WDR70: variants seen among roughly 807,000 people sequenced by gnomAD.
WDR70 encodes the protein WD repeat domain 70.
WDR70 carries 53 observed loss-of-function variants against 88.6 expected under a neutral mutation model. The ratio of observed to expected loss-of-function variants is 0.60; its 90% confidence interval spans 0.48 to 0.75. The LOEUF (loss-of-function observed/expected upper bound fraction) is 0.75. Ranked by LOEUF, WDR70 falls within the 30% of genes least tolerant of loss-of-function variation. The pLI is 0.00. For missense variants in WDR70, 610 were observed against 823.2 expected (o/e 0.74, Z 3.17); for synonymous variants, 280 against 270.0 (o/e 1.04, Z -0.36).
intron 9 of WDR70, among the ~76,000 whole-genome samples, chr5:37,568,483 A>G (rs566124736): frequency 1.3e-5 from 2 of 152,330 alleles, no homozygotes; most frequent in South Asian, 2.1e-4. Context: ...AGAATGCACT[A>G]TATTACAATC....
At chr5:37,387,254 C>A (rs923713792) in intron 3 of WDR70, among the ~76,000 whole-genome samples, 1 of 151,936 alleles carries the variant, frequency 6.6e-6, no homozygotes, top group Non-Finnish European at 1.5e-5. Context: ...GTGTGTGTAT[C>A]ATCTACCTTG....
intron 9 of WDR70, among the ~76,000 whole-genome samples, chr5:37,551,042 C>T (rs1476249596): frequency 2.0e-5 from 3 of 152,072 alleles, no homozygotes; most frequent in Non-Finnish European, 2.9e-5. Context: ...CAGTGGCTCA[C>T]GCCTGTAATC....
At chr5:37,632,280 G>T (rs1744839267) in intron 10 of WDR70, among the ~76,000 whole-genome samples, 1 of 152,120 alleles carries the variant, frequency 6.6e-6, no homozygotes, top group African/African-American at 2.4e-5. Flanking sequence ...GATAATAAAT[G>T]ACTTACTGGT....
chr5:37,416,583 CT>C (rs766896054), intron 5 of WDR70, among the ~76,000 whole-genome samples: 1,715 of 129,166 alleles, frequency 0.013, 37 homozygotes, highest in African/African-American at 0.043. Context: ...GAGAGGGCTT[CT>C]TTTTTTTTTT....
At position 37,752,571 on chromosome 5, in the gene WDR70, T is replaced by G; in HGVS notation, c.1963T>G (p.Ter655GlyextTer66). ...GCCAGAATGGAAAAAACGTAAAATT[T>G]GAAGAATCTCATTTGAGAGCTGTTT... ...NEPEWKKRKI[*>G] Residue 655 changes from the stop codon to glycine, a stop_lost, in exon 18 of 18, where the codon TGA (stop) becomes GGA (glycine). Coordinates refer to ENST00000265107, the MANE Select transcript of WDR70 (RefSeq NM_018034.4). 1 of 1,610,220 alleles carries G rather than the reference T, an allele frequency of 6.2e-7. No individual in the cohort carries two copies. The highest frequency in any genetic ancestry group is 8.5e-7 in the Non-Finnish European group (1 of 1,177,722).
chr5:37,462,243 C>A (rs1561861404), intron 7 of WDR70, among the ~76,000 whole-genome samples: 1 of 151,974 alleles, frequency 6.6e-6, no homozygotes, highest in African/African-American at 2.4e-5. Flanking sequence ...GGAGAATCAA[C>A]CTTATATTGA....
chr5:37,466,608 A>T (rs865934712), intron 7 of WDR70, among the ~76,000 whole-genome samples: 1 of 139,682 alleles, frequency 7.2e-6, no homozygotes, highest in Non-Finnish European at 1.5e-5. Context: ...CAGGAGGCTG[A>T]GGCAGGAGAA....
intron 17 of WDR70, among the ~76,000 whole-genome samples, chr5:37,731,507 A>G (rs1748143697): frequency 3.3e-5 from 5 of 152,164 alleles, no homozygotes. Context: ...AATCCATGTC[A>G]ACACATCATT....
chr5:37,385,518 CAAA>C (rs1160087859), intron 3 of WDR70, among the ~76,000 whole-genome samples: 1 of 67,858 alleles, frequency 1.5e-5, no homozygotes. Context: ...GAGCCTGTCT[CAAA>C]AAAAAAAAAA....
chr5:37,592,185 C>T (rs1040173657), intron 9 of WDR70, among the ~76,000 whole-genome samples: 2 of 152,094 alleles, frequency 1.3e-5, no homozygotes, highest in African/African-American at 2.4e-5. Flanking sequence ...AGTCTGAGTA[C>T]AAAATTCATT....
At chr5:37,579,068 C>T (rs1422460331) in intron 9 of WDR70, among the ~76,000 whole-genome samples, 9 of 152,136 alleles carry the variant, frequency 5.9e-5, no homozygotes, top group Non-Finnish European at 4.4e-5. Flanking sequence ...AAGGAGCAAG[C>T]GAATGAATCA....
intron 10 of WDR70, among the ~76,000 whole-genome samples, chr5:37,627,891 T>G (rs1744711385): frequency 6.6e-6 from 1 of 152,182 alleles, no homozygotes; most frequent in African/African-American, 2.4e-5. Context: ...AATGAAGTTG[T>G]TAGGTGAAAT....
In WDR70 at chr5:37,752,609, G is replaced by A; in HGVS notation, c.*36G>A. 2.0e-6 allele frequency: 3 copies of A among 1,490,098 alleles called. No homozygotes were observed. Among genetic ancestry groups the A allele is most frequent in the African/African-American group, 2.8e-5 (2 of 71,650 alleles). 92.3% of individuals were successfully genotyped at this position (1,490,098 alleles called of 1,614,324 possible). A position where few individuals can be genotyped will look rare whatever the true frequency, so the allele number is the denominator to read the frequency against. ...TTGAGAGCTGTTTGCATGAGTGGGAGGGGTATGGGACAGGTTTGGGTTTTT... is the reference window on the plus strand; with the variant it reads ...TTGAGAGCTGTTTGCATGAGTGGGAAGGGTATGGGACAGGTTTGGGTTTTT... On this transcript the variant is annotated 3_prime_UTR_variant, in exon 18 of 18. Transcript: ENST00000265107.
At chr5:37,622,687 A>G (rs2642708) in intron 10 of WDR70, among the ~76,000 whole-genome samples, 4,501 of 152,098 alleles carry the variant, frequency 0.03, 233 homozygotes, top group African/African-American at 0.1. Context: ...TGGGAATTGA[A>G]CAGTGAGAAC....
chr5:37,552,071 C>G (rs190027909), intron 9 of WDR70, among the ~76,000 whole-genome samples: 1 of 151,902 alleles, frequency 6.6e-6, no homozygotes, highest in African/African-American at 2.4e-5. Flanking sequence ...TGCACCCAGC[C>G]GAGCTCCATA....
intron 10 of WDR70, among the ~76,000 whole-genome samples, chr5:37,625,112 A>G (rs1004431714): frequency 3.9e-5 from 6 of 152,194 alleles, no homozygotes; most frequent in African/African-American, 1.2e-4. Flanking sequence ...ACAGGAGGGC[A>G]GGAGAAAGAG....
intron 9 of WDR70, among the ~76,000 whole-genome samples, chr5:37,523,229 C>G (rs922499434): frequency 2.0e-5 from 3 of 152,198 alleles, no homozygotes; most frequent in African/African-American, 7.2e-5. Context: ...ATGCATCCCC[C>G]CAATAGGGGC....
At chr5:37,467,707 T>TTATTC (rs1739201164) in intron 7 of WDR70, among the ~76,000 whole-genome samples, 2 of 150,314 alleles carry the variant, frequency 1.3e-5, no homozygotes, top group Non-Finnish European at 3.0e-5. Context: ...GGCTAATTTT[T>TTATTC]TATTTTATTT....
At chr5:37,742,287 A>G (rs1466658499) in intron 17 of WDR70, among the ~76,000 whole-genome samples, 1 of 145,988 alleles carries the variant, frequency 6.8e-6, no homozygotes, top group East Asian at 2.0e-4. Context: ...TTTCAACAGT[A>G]GCCATTCTTG....
Sources: allele counts gnomAD v4.1 joint callset (sites outside exome capture counted in the v4.1 genomes callset), GRCh38; gene constraint gnomAD v4.1.1; transcripts MANE v1.5; gene names NCBI Gene and HGNC (gene_info 2026-07-23, HGNC 2026-07-21).